GNAI1: variants seen among roughly 807,000 people sequenced by gnomAD.
The protein encoded by GNAI1 is guanine nucleotide-binding protein G(i) subunit alpha-1.
In GNAI1, 11 loss-of-function variants were observed where a neutral mutation model predicts 38.9. That is an observed-to-expected ratio of 0.28 (90% CI 0.18 to 0.47). The LOEUF (loss-of-function observed/expected upper bound fraction) is 0.47. GNAI1 is among the 20% of genes least tolerant of loss of function. The pLI, the probability that GNAI1 is intolerant of heterozygous loss-of-function variation, is 0.99. For synonymous variants in GNAI1, 166 were observed against 145.1 expected (o/e 1.14, Z -1.04); for missense variants, 317 against 436.9 (o/e 0.73, Z 2.45).
At chr7:80,189,702 C>T (rs879294297) in intron 3 of GNAI1, among the ~76,000 whole-genome samples, 5 of 152,130 alleles carry the variant, frequency 3.3e-5, no homozygotes, top group African/African-American at 7.2e-5. Context: ...AGGAAAATAT[C>T]GGCTATTAAA....
intron 1 of GNAI1, among the ~76,000 whole-genome samples, chr7:80,152,558 C>CTTTTTTT (rs35141470): frequency 9.7e-6 from 1 of 103,006 alleles, no homozygotes. Flanking sequence ...GGTCTCAATT[C>CTTTTTTT]TTTTTTTTTT....
At chr7:80,192,974 T>C (rs918313513) in intron 3 of GNAI1, among the ~76,000 whole-genome samples, 4 of 151,936 alleles carry the variant, frequency 2.6e-5, no homozygotes, top group African/African-American at 4.8e-5. Context: ...GCTGGGATTA[T>C]AGGCATGAGG....
intron 1 of GNAI1, among the ~76,000 whole-genome samples, chr7:80,152,627 C>G (rs2116104010): frequency 7.6e-6 from 1 of 131,932 alleles, no homozygotes; most frequent in East Asian, 2.3e-4. Flanking sequence ...GTGGCGCATT[C>G]TCGGCTCACT....
chr7:80,217,586 T>A lies in GNAI1; in HGVS notation c.*93T>A. 1 of 664,266 alleles carries A rather than the reference T, an allele frequency of 1.5e-6. No homozygotes were observed. The highest frequency in any genetic ancestry group is 2.4e-6 in the Non-Finnish European group (1 of 412,048). 41.1% of individuals were successfully genotyped at this position (664,266 alleles called of 1,614,324 possible). On this transcript the variant is annotated 3_prime_UTR_variant, in exon 8 of 8. Coordinates refer to ENST00000649796, the MANE Select transcript of GNAI1 (RefSeq NM_002069.6). ...TAGAGTCTTGCAGCAACACAGAATG[T>A]AATATAAGGCAAATGCATCTGGGAC...
At chr7:80,158,449 C>T (rs1369173531) in intron 1 of GNAI1, among the ~76,000 whole-genome samples, 3 of 152,134 alleles carry the variant, frequency 2.0e-5, no homozygotes, top group Non-Finnish European at 4.4e-5. Flanking sequence ...TGGGAGGGAC[C>T]TGGTGGGAGG....
At chr7:80,174,971 C>CAA (rs1352124022) in intron 1 of GNAI1, among the ~76,000 whole-genome samples, 2 of 152,126 alleles carry the variant, frequency 1.3e-5, no homozygotes, top group African/African-American at 4.8e-5. Context: ...TTTAATATTC[C>CAA]ATGTGACCAA....
At chr7:80,216,163 T>A (rs999114953) in intron 7 of GNAI1, among the ~76,000 whole-genome samples, 6 of 152,146 alleles carry the variant, frequency 3.9e-5, no homozygotes, top group African/African-American at 1.4e-4. Flanking sequence ...TATTATAATA[T>A]TATGTACATA....
chr7:80,136,327 C>G (rs557739424), intron 1 of GNAI1, among the ~76,000 whole-genome samples: 70 of 152,148 alleles, frequency 4.6e-4, no homozygotes, highest in Non-Finnish European at 9.3e-4. Flanking sequence ...TTTCCAAGGA[C>G]TGCTTGTATT....
chr7:80,157,709 C>A (rs1031284648), intron 1 of GNAI1, among the ~76,000 whole-genome samples: 5 of 151,824 alleles, frequency 3.3e-5, no homozygotes, highest in Admixed American at 6.6e-5. Context: ...CACCTTTTTT[C>A]TTTTTTTTAT....
At chr7:80,180,428 C>A (rs902692713) in intron 1 of GNAI1, among the ~76,000 whole-genome samples, 1 of 151,934 alleles carries the variant, frequency 6.6e-6, no homozygotes, top group Non-Finnish European at 1.5e-5. Context: ...CGATATGATT[C>A]TTTTGATTTG....
At chr7:80,212,083 C>T (rs925272847) in intron 6 of GNAI1, among the ~76,000 whole-genome samples, 2 of 152,006 alleles carry the variant, frequency 1.3e-5, no homozygotes, top group African/African-American at 4.8e-5. Flanking sequence ...TTGTACTAAT[C>T]CCCCTGAGTA....
intron 1 of GNAI1, among the ~76,000 whole-genome samples, chr7:80,153,529 A>C (rs1245997481): frequency 6.6e-6 from 1 of 152,216 alleles, no homozygotes; most frequent in Non-Finnish European, 1.5e-5. Context: ...AATAAGACAC[A>C]GGTGGCCGAG....
rs1201143708 is a variant in GNAI1 at position 80,134,879 on chromosome 7, G to A, written c.-282G>A. On this transcript the variant is annotated 5_prime_UTR_variant, in exon 1 of 8. Coordinates refer to ENST00000649796, the MANE Select transcript of GNAI1 (RefSeq NM_002069.6). ...CTGCGGCGCGGCCACCGGCGGGAGT[G>A]CAGCGGCCACTGTACCCAGAGATTC... 2.6e-5 allele frequency: 7 copies of A among 266,986 alleles called. No individual in the cohort carries two copies. The highest frequency in any genetic ancestry group is 4.2e-5 in the Non-Finnish European group (6 of 142,474). 16.5% of individuals were successfully genotyped at this position (266,986 alleles called of 1,614,324 possible).
intron 3 of GNAI1, among the ~76,000 whole-genome samples, chr7:80,190,162 A>T (rs946598627): frequency 3.3e-5 from 5 of 152,186 alleles, no homozygotes; most frequent in African/African-American, 1.2e-4. Flanking sequence ...TTTTTTAAAC[A>T]TGTAGGCTCA....
chr7:80,203,840 G>T lies in GNAI1; in HGVS notation c.590+8G>T. The T allele has an allele frequency of 6.8e-7, 1 of 1,471,428 alleles. No individual in the cohort carries two copies. 91.1% of individuals were successfully genotyped at this position (1,471,428 alleles called of 1,614,324 possible). On this transcript the variant is annotated splice_region_variant and intron_variant, in intron 5 of 7. Coordinates refer to ENST00000649796, the MANE Select transcript of GNAI1 (RefSeq NM_002069.6). ...CAAAGATCTTCATTTTAAGTGAGTA[G>T]CTTTGAAATATATGATTTCTAAATT...
chr7:80,159,850 A>G (rs1584016916), intron 1 of GNAI1, among the ~76,000 whole-genome samples: 1 of 152,114 alleles, frequency 6.6e-6, no homozygotes, highest in Non-Finnish European at 1.5e-5. Flanking sequence ...CAATCTCCTT[A>G]TCTGTGAAAT....
At chr7:80,148,531 T>TA (rs66761937) in intron 1 of GNAI1, among the ~76,000 whole-genome samples, 44 of 150,776 alleles carry the variant, frequency 2.9e-4, no homozygotes, top group Middle Eastern at 3.4e-3. Context: ...ATTTTAAAAT[T>TA]AAAAAAAAAA....
intron 1 of GNAI1, among the ~76,000 whole-genome samples, chr7:80,143,349 G>A (rs796847836): frequency 5.3e-4 from 81 of 152,264 alleles, no homozygotes; most frequent in African/African-American, 1.9e-3. Flanking sequence ...CTTGGGGGGT[G>A]GAGGTGGAGG....
rs754317164 is a variant in GNAI1, at chr7:80,199,335, C to T, written c.414C>T (p.Ala138=). ...TGTGGAAAGATAGTGGTGTACAAGC[C>T]TGTTTCAACAGATCCCGAGAGTACC... ...KRLWKDSGVQ[A]CFNRSREYQL... The change falls in exon 4 of 8, where the codon GCC becomes GCT. Residue 138 remains alanine (A), a synonymous_variant. Coordinates refer to ENST00000649796, the MANE Select transcript of GNAI1 (RefSeq NM_002069.6). The T allele has an allele frequency of 2.7e-5, 44 of 1,612,238 alleles. No individual in the cohort carries two copies. In the East Asian group the frequency reaches 9.6e-4, roughly 35 times the overall value.
Sources: gnomAD v4.1 joint callset for allele counts (sites outside exome capture counted in the v4.1 genomes callset) on GRCh38, gnomAD v4.1.1 for gene constraint, MANE v1.5 for transcripts, NCBI Gene and HGNC (gene_info 2026-07-23, HGNC 2026-07-21) for gene names.